The following RBM20 variants were observed in gnomAD, a reference collection of about 807,000 sequenced individuals.
RBM20 encodes RNA binding motif protein 20.
RBM20 carries 51 observed loss-of-function variants against 110.1 expected under a neutral mutation model. The ratio of observed to expected loss-of-function variants is 0.46; its 90% confidence interval spans 0.37 to 0.59. The LOEUF (loss-of-function observed/expected upper bound fraction) is 0.59. Among genes scored for constraint, RBM20 ranks in the 20% least tolerant of loss-of-function variants. RBM20 has a pLI of 0.00. For missense variants in RBM20, 1,512 were observed against 1,574.9 expected, an observed-to-expected ratio of 0.96 and a Z score of 0.68; for synonymous variants, 589 against 618.2, an observed-to-expected ratio of 0.95 and a Z score of 0.70.
At chr10:110,709,417 G>GC (rs1372533872) in intron 1 of RBM20, among the ~76,000 whole-genome samples, 4 of 152,192 alleles carry the variant, frequency 2.6e-5, no homozygotes, top group African/African-American at 9.6e-5. Flanking sequence ...ACACTGGCCA[G>GC]CATTGCTGCC....
chr10:110,752,911 A>G (rs935657086), intron 1 of RBM20, among the ~76,000 whole-genome samples: 16 of 132,662 alleles, frequency 1.2e-4, no homozygotes, highest in African/African-American at 4.4e-4. Context: ...TATATATTAT[A>G]TATTTATACA....
chr10:110,778,551 G>A (rs1844296290), intron 1 of RBM20, among the ~76,000 whole-genome samples: 1 of 152,324 alleles, frequency 6.6e-6, no homozygotes, highest in South Asian at 2.1e-4. Flanking sequence ...AGACTAAGGT[G>A]TCCCAGTTGT....
intron 1 of RBM20, among the ~76,000 whole-genome samples, chr10:110,677,805 G>A (rs1022367298): frequency 1.8e-4 from 28 of 152,160 alleles, no homozygotes; most frequent in African/African-American, 6.8e-4. Context: ...TCTTCATGTT[G>A]TAGACATCTC....
In RBM20 at chr10:110,837,001, G is replaced by T. The variant is rs570703705; in HGVS notation, c.*1023G>T. 1 of 152,346 alleles carries T rather than the reference G, an allele frequency of 6.6e-6. No individual in the cohort carries two copies. Among genetic ancestry groups the T allele is most frequent in the South Asian group, 2.1e-4 (1 of 4,828 alleles). 9.4% of individuals were successfully genotyped at this position (152,346 alleles called of 1,614,324 possible). On this transcript the variant is annotated 3_prime_UTR_variant, in exon 14 of 14. Coordinates refer to ENST00000369519, the MANE Select transcript of RBM20 (RefSeq NM_001134363.3). ...TATTTAAGTCAAGGAAACATCATCT[G>T]TCCTTGATTCAGCCTTGGTGCCTGC...
intron 1 of RBM20, among the ~76,000 whole-genome samples, chr10:110,657,336 G>A (rs1862040539): frequency 6.6e-6 from 1 of 151,090 alleles, no homozygotes; most frequent in Admixed American, 6.6e-5. Context: ...TTTTTTAATG[G>A]CCATCCTAGT....
At chr10:110,721,717 T>G (rs562642250) in intron 1 of RBM20, among the ~76,000 whole-genome samples, 1 of 152,322 alleles carries the variant, frequency 6.6e-6, no homozygotes, top group South Asian at 2.1e-4. Context: ...AACATCTTAA[T>G]GTAGCTGGGT....
chr10:110,806,341 C>T (rs573083443), intron 7 of RBM20, among the ~76,000 whole-genome samples: 1 of 152,154 alleles, frequency 6.6e-6, no homozygotes, highest in East Asian at 1.9e-4. Context: ...CATGGTTCCA[C>T]AGGCTGCATA....
intron 1 of RBM20, among the ~76,000 whole-genome samples, chr10:110,651,944 C>A (rs1564806150): frequency 6.6e-6 from 1 of 152,142 alleles, no homozygotes; most frequent in Non-Finnish European, 1.5e-5. Flanking sequence ...AATATTTTAA[C>A]CTTCTGCATA....
intron 1 of RBM20, among the ~76,000 whole-genome samples, chr10:110,742,233 G>A (rs1301965922): frequency 1.3e-5 from 2 of 152,188 alleles, no homozygotes; most frequent in East Asian, 1.9e-4. Context: ...CTCCTCATCA[G>A]AGGAGCCTTC....
At chr10:110,765,762 C>T (rs988607832) in intron 1 of RBM20, among the ~76,000 whole-genome samples, 12 of 151,992 alleles carry the variant, frequency 7.9e-5, no homozygotes, top group African/African-American at 1.2e-4. Context: ...TCTTATATCA[C>T]GGAGATTTTT....
intron 1 of RBM20, among the ~76,000 whole-genome samples, chr10:110,650,500 AG>A (rs1198376839): frequency 2.6e-5 from 4 of 152,192 alleles, no homozygotes; most frequent in Non-Finnish European, 4.4e-5. Context: ...AACAAAAGGC[AG>A]GGGGGTCATG....
chr10:110,750,616 T>C (rs769489644), intron 1 of RBM20, among the ~76,000 whole-genome samples: 38 of 152,244 alleles, frequency 2.5e-4, no homozygotes, highest in Non-Finnish European at 3.1e-4. Context: ...TGCTGCCTGA[T>C]TTCTTTTAAG....
At position 110,823,448 on chromosome 10, in the gene RBM20, TTTTTTTTTTTGC is replaced by T; in HGVS notation, c.3317-31_3317-20del. Reference sequence around the variant, plus strand: ...TTGTATTTCTTTTTTTTTTTTTTTTTTTTTTTTTTTGCCTTGGTTCATGTTTTGCAGAAAACT... The same window carrying T: ...TTGTATTTCTTTTTTTTTTTTTTTTTCTTGGTTCATGTTTTGCAGAAAACT... On this transcript the variant is annotated intron_variant, in intron 11 of 13. Coordinates refer to ENST00000369519, the MANE Select transcript of RBM20 (RefSeq NM_001134363.3). 2 of 1,177,064 alleles carry T rather than the reference TTTTTTTTTTTGC, an allele frequency of 1.7e-6. No homozygotes were observed. The highest frequency in any genetic ancestry group is 2.2e-6 in the Non-Finnish European group (2 of 903,024). 72.9% of individuals were successfully genotyped at this position (1,177,064 alleles called of 1,614,324 possible).
At chr10:110,738,364 G>T (rs573024423) in intron 1 of RBM20, among the ~76,000 whole-genome samples, 7 of 152,250 alleles carry the variant, frequency 4.6e-5, no homozygotes, top group South Asian at 2.1e-4. Flanking sequence ...GAGGGGTCTG[G>T]GGGGAGCATG....
intron 8 of RBM20, among the ~76,000 whole-genome samples, chr10:110,811,211 C>A (rs1019225106): frequency 3.9e-5 from 6 of 152,078 alleles, no homozygotes; most frequent in African/African-American, 1.5e-4. Flanking sequence ...AGGGTGTTTC[C>A]CCCATGATGG....
intron 12 of RBM20, chr10:110,827,927 C>G (rs963349571): frequency 1.3e-5 from 2 of 152,150 alleles, no homozygotes; most frequent in Admixed American, 6.6e-5. Flanking sequence ...GGACTGGGCT[C>G]CCAGATGGGA....
At chr10:110,674,684 A>C (rs1170150819) in intron 1 of RBM20, among the ~76,000 whole-genome samples, 4 of 152,240 alleles carry the variant, frequency 2.6e-5, no homozygotes, top group Non-Finnish European at 5.9e-5. Flanking sequence ...AAGATTGATC[A>C]CTGCTTAAGT....
chr10:110,734,618 C>CT (rs1554894037), intron 1 of RBM20, among the ~76,000 whole-genome samples: 4,796 of 136,362 alleles, frequency 0.035, 263 homozygotes, highest in African/African-American at 0.12. Context: ...AAAATTCCCT[C>CT]TTTTTTTTTT....
intron 1 of RBM20, among the ~76,000 whole-genome samples, chr10:110,694,958 A>G (rs1021827447): frequency 6.6e-6 from 1 of 152,212 alleles, no homozygotes; most frequent in Non-Finnish European, 1.5e-5. Flanking sequence ...CTAGCAGAGT[A>G]TAGTGTCATG....
Sources: gnomAD v4.1 joint callset for allele counts (sites outside exome capture counted in the v4.1 genomes callset) on GRCh38, gnomAD v4.1.1 for gene constraint, MANE v1.5 for transcripts, NCBI Gene and HGNC (gene_info 2026-07-23, HGNC 2026-07-21) for gene names.